Variants in TOP1MT observed in about 807,000 individuals in gnomAD.
The protein encoded by TOP1MT is DNA topoisomerase I mitochondrial.
TOP1MT carries 80 observed loss-of-function variants against 73.9 expected under a neutral mutation model. The observed-to-expected ratio is 1.08, with a 90% CI of 0.90 to 1.30. The LOEUF is 1.30. Among genes scored for constraint, TOP1MT ranks in the 50% most tolerant of loss-of-function variants. TOP1MT has a pLI of 0.00. For synonymous variants in TOP1MT, 338 were observed against 326.4 expected (o/e 1.04, Z -0.38); for missense variants, 815 against 808.0 (o/e 1.01, Z -0.10).
At position 143,314,801 on chromosome 8, in the gene TOP1MT, G is replaced by A. The variant is rs536145831; in HGVS notation, c.1553+926C>T. On this transcript the variant is annotated intron_variant, in intron 12 of 13. Coordinates refer to ENST00000329245, the MANE Select transcript of TOP1MT (RefSeq NM_052963.3). ...ATAGATCATAGATATGATTATATAT[G>A]AATATCATTAATCATTAGTTGGTAG... Among the ~76,000 whole-genome samples the A allele has an allele frequency of 7.9e-5, 12 of 152,148 alleles. No homozygotes were observed. In the South Asian group the frequency reaches 2.5e-3, roughly 32 times the overall value.
rs1234236383 is a variant in TOP1MT at position 143,322,255 on chromosome 8, CCA to C, written c.961-871_961-870del. On this transcript the variant is annotated intron_variant, in intron 7 of 13. Transcript: ENST00000329245. ...CACACATGCATGCCACACACGCACG[CCA>C]CACACACACGCCACACACATGCACG... Among the ~76,000 whole-genome samples the C allele has an allele frequency of 4.6e-4, 17 of 36,892 alleles. 3 individuals are homozygous for C. The highest frequency in any genetic ancestry group is 5.4e-4 in the Non-Finnish European group (11 of 20,478). 24.2% of individuals were successfully genotyped at this position (36,892 alleles called of 152,430 possible).
intron 7 of TOP1MT, among the ~76,000 whole-genome samples, chr8:143,323,121 CCACA>C (rs1207719738): frequency 4.3e-5 from 6 of 140,200 alleles, no homozygotes; most frequent in Non-Finnish European, 9.2e-5. Context: ...CACATGCACG[CCACA>C]CACACAGGCA....
At position 143,326,277 on chromosome 8, in the gene TOP1MT, C is replaced by G; in HGVS notation, c.428G>C (p.Arg143Thr). Residue 143 changes from arginine to threonine, a missense_variant, in exon 4 of 14, where the codon AGA becomes ACA. Coordinates refer to ENST00000329245, the MANE Select transcript of TOP1MT (RefSeq NM_052963.3). ...GGCTGCGGCCTTGTCCACAAAGTAT[C>G]TGTGGATCTCCGTGAAGTCACACTT... is the stretch of plus-strand genomic sequence containing the variant. ...LDKCDFTEIH[R>T]YFVDKAAARK... The G allele has an allele frequency of 1.2e-6, 2 of 1,613,920 alleles. No individual in the cohort carries two copies. The highest frequency in any genetic ancestry group is 2.7e-5 in the African/African-American group (2 of 75,064).
At chr8:143,315,944 G>A (rs1816147456) in intron 11 of TOP1MT, 55 bp downstream of exon 11, 3 of 1,611,976 alleles carry the variant, frequency 1.9e-6, no homozygotes, top group Non-Finnish European at 1.7e-6. Context: ...GAGGCTCTGG[G>A]GAGGGGGAGG....
At chr8:143,323,368 CGCCACACAGATGCAT>C (rs1816588036) in intron 7 of TOP1MT, among the ~76,000 whole-genome samples, 1 of 133,974 alleles carries the variant, frequency 7.5e-6, no homozygotes, top group African/African-American at 2.9e-5. Flanking sequence ...CCCACAGGCA[CGCCACACAGATGCAT>C]GCCACACACA....
intron 8 of TOP1MT, among the ~76,000 whole-genome samples, chr8:143,320,724 G>A (rs1201208707): frequency 6.6e-6 from 1 of 152,254 alleles, no homozygotes; most frequent in Non-Finnish European, 1.5e-5. Flanking sequence ...AACGGAGGCA[G>A]AGACTGGGAT....
intron 2 of TOP1MT, among the ~76,000 whole-genome samples, chr8:143,342,516 TATTAGAGAC>T (rs1817126621): frequency 7.1e-6 from 1 of 139,872 alleles, no homozygotes; most frequent in African/African-American, 2.7e-5. Context: ...TTATTATTAT[TATTAGAGAC>T]AGAGTCTCGC....
chr8:143,332,508 C>A, intron 1 of TOP1MT: 3 of 1,289,396 alleles, frequency 2.3e-6, no homozygotes, highest in Admixed American at 2.3e-5. Context: ...AGGAGACCTG[C>A]ACGTGACCCC....
At chr8:143,342,436 ATTAT>A (rs1817122091) in intron 2 of TOP1MT, among the ~76,000 whole-genome samples, 1 of 134,228 alleles carries the variant, frequency 7.5e-6, no homozygotes, top group Non-Finnish European at 1.5e-5. Context: ...CTCTGTTATT[ATTAT>A]TATTATTAGA....
intron 7 of TOP1MT, among the ~76,000 whole-genome samples, chr8:143,323,265 T>TGCACGCCACACAC (rs1352596560): frequency 4.8e-3 from 67 of 13,994 alleles, no homozygotes; most frequent in Non-Finnish European, 8.1e-3. Flanking sequence ...GCCACACACA[T>TGCACGCCACACAC]GCACGCCACA....
At chr8:143,324,224 A>T in intron 6 of TOP1MT, 82 bp from the exon 7 acceptor site, 1 of 1,560,472 alleles carries the variant, frequency 6.4e-7, no homozygotes, top group Non-Finnish European at 8.8e-7. Context: ...CCCTCCCCCA[A>T]ACCTCGTGCT....
At chr8:143,338,039 G>C (rs1817012472), upstream of TOP1MT, among the ~76,000 whole-genome samples, 1 of 152,146 alleles carries the variant, frequency 6.6e-6, no homozygotes, top group South Asian at 2.1e-4. Flanking sequence ...CTGGACCTCG[G>C]GGAGCCCGGA....
At chr8:143,326,385 G>C (rs752059198) in intron 3 of TOP1MT, 41 bp from the exon 4 acceptor site, 1 of 1,612,162 alleles carries the variant, frequency 6.2e-7, no homozygotes, top group South Asian at 1.1e-5. Flanking sequence ...ATGTCTGAAG[G>C]ACAGACATGC....
chr8:143,315,518 C>T (rs28437861), intron 12 of TOP1MT, among the ~76,000 whole-genome samples: 18,983 of 152,028 alleles, frequency 0.12, 1,355 homozygotes, highest in African/African-American at 0.19. Context: ...ACATTCGGGG[C>T]CACTACCAGT....
At chr8:143,329,272 C>A in intron 3 of TOP1MT, 78 bp downstream of exon 3, 1 of 1,462,780 alleles carries the variant, frequency 6.8e-7, no homozygotes, top group South Asian at 1.5e-5. Flanking sequence ...GAGGGGCGTT[C>A]AGAGGCAGCA....
At chr8:143,318,376 C>T (rs1387271312) in intron 8 of TOP1MT, among the ~76,000 whole-genome samples, 3 of 152,204 alleles carry the variant, frequency 2.0e-5, no homozygotes, top group Non-Finnish European at 4.4e-5. Context: ...CCGGCTCCTT[C>T]TTCCATCAAT....
At position 143,329,269 on chromosome 8, in the gene TOP1MT, G is replaced by A. The variant is rs1046696651; in HGVS notation, c.360+81C>T. 3.3e-5 allele frequency: 48 copies of A among 1,454,474 alleles called. 1 individual carries two copies. The Middle Eastern group carries it at 7.3e-4, about 22-fold the overall frequency. The allele number at this position is 1,454,474 out of a possible 1,614,324, so 90.1% of individuals were successfully genotyped here. A position where few individuals can be genotyped will look rare whatever the true frequency, so the allele number is the denominator to read the frequency against. On this transcript the variant is annotated intron_variant, in intron 3 of 13. Coordinates refer to ENST00000329245, the MANE Select transcript of TOP1MT (RefSeq NM_052963.3). ...GGGCCACCGAGAACTTGCGAGGGGC[G>A]TTCAGAGGCAGCACTGCAGAACCGC... is the stretch of plus-strand genomic sequence containing the variant.
chr8:143,334,595 C>G lies in TOP1MT; in HGVS notation c.122+145G>C, dbSNP rs939928338. 3 of 1,193,044 alleles carry G rather than the reference C, an allele frequency of 2.5e-6. No homozygotes were observed. In the African/African-American group the frequency reaches 4.9e-5, roughly 19 times the overall value. The allele number at this position is 1,193,044 out of a possible 1,614,324, so 73.9% of individuals were successfully genotyped here. A position where few individuals can be genotyped will look rare whatever the true frequency, so the allele number is the denominator to read the frequency against. The stretch of plus-strand genomic sequence containing the variant: ...CGGGCAGGAGGCGGGCCGGTCACAC[C>G]GCGGCACGCATGCTCTCCTGGCCCG... On this transcript the variant is annotated intron_variant, in intron 1 of 13. Coordinates refer to ENST00000329245, the MANE Select transcript of TOP1MT (RefSeq NM_052963.3).
chr8:143,338,047 G>A (rs927160902), upstream of TOP1MT, among the ~76,000 whole-genome samples: 9 of 152,110 alleles, frequency 5.9e-5, no homozygotes, highest in African/African-American at 1.4e-4. Flanking sequence ...CGGGGAGCCC[G>A]GATCTTGAGA....
Sources: gnomAD v4.1 joint callset for allele counts (sites outside exome capture counted in the v4.1 genomes callset) on GRCh38, gnomAD v4.1.1 for gene constraint, MANE v1.5 for transcripts, NCBI Gene and HGNC (gene_info 2026-07-23, HGNC 2026-07-21) for gene names.